The following FER variants were observed in gnomAD, a reference collection of about 807,000 sequenced individuals.
FER encodes tyrosine-protein kinase Fer.
Under a neutral mutation model 111.0 loss-of-function variants are expected in FER, and 63 were observed. That is an observed-to-expected ratio of 0.57 (90% CI 0.46 to 0.70). The LOEUF (loss-of-function observed/expected upper bound fraction) is 0.70. Ranked by LOEUF, FER falls within the 30% of genes least tolerant of loss-of-function variation. The pLI, the probability that FER is intolerant of heterozygous loss-of-function variation, is 0.00. For missense variants in FER, 914 were observed against 954.0 expected (o/e 0.96, Z 0.55); for synonymous variants, 327 against 313.9 (o/e 1.04, Z -0.44).
At chr5:109,088,739 T>C (rs1290389903) in intron 16 of FER, among the ~76,000 whole-genome samples, 1 of 152,122 alleles carries the variant, frequency 6.6e-6, no homozygotes, top group Non-Finnish European at 1.5e-5. Context: ...AAAGGGCTAA[T>C]TTGTTTATTT....
At chr5:108,860,824 TG>T (rs1763445996) in intron 5 of FER, among the ~76,000 whole-genome samples, 2 of 152,178 alleles carry the variant, frequency 1.3e-5, no homozygotes, top group South Asian at 4.1e-4. Context: ...TCCACATTGC[TG>T]GGGAGGCCTC....
chr5:109,052,853 C>T (rs185802368), intron 16 of FER, among the ~76,000 whole-genome samples: 1 of 152,234 alleles, frequency 6.6e-6, no homozygotes, highest in East Asian at 1.9e-4. Flanking sequence ...CTAAATTTTC[C>T]TAAAGGCTGT....
chr5:109,108,481 A>T (rs1165975319), intron 17 of FER, among the ~76,000 whole-genome samples: 2 of 152,114 alleles, frequency 1.3e-5, no homozygotes, highest in Non-Finnish European at 2.9e-5. Flanking sequence ...TATAGATCCT[A>T]TCTCTGTATT....
chr5:109,006,736 G>T (rs1256405652), intron 13 of FER, among the ~76,000 whole-genome samples: 1 of 151,998 alleles, frequency 6.6e-6, no homozygotes, highest in African/African-American at 2.4e-5. Context: ...GTAAAAAATT[G>T]TAATCTAAGT....
chr5:108,981,266 A>G (rs1277702410), intron 13 of FER, among the ~76,000 whole-genome samples: 2 of 152,054 alleles, frequency 1.3e-5, no homozygotes, highest in African/African-American at 4.8e-5. Flanking sequence ...GGGGTCATTG[A>G]TTTATATATC....
chr5:109,060,168 GA>G (rs1386042239), intron 16 of FER, among the ~76,000 whole-genome samples: 1 of 152,136 alleles, frequency 6.6e-6, no homozygotes, highest in African/African-American at 2.4e-5. Flanking sequence ...TGTAGATGGG[GA>G]TAGACAATAG....
At chr5:108,984,189 C>G (rs1762317106) in intron 13 of FER, among the ~76,000 whole-genome samples, 1 of 152,008 alleles carries the variant, frequency 6.6e-6, no homozygotes, top group Non-Finnish European at 1.5e-5. Context: ...AAAGTTTTCC[C>G]AGAATCCTGT....
At chr5:108,931,811 C>G (rs1214485798) in intron 10 of FER, among the ~76,000 whole-genome samples, 2 of 151,694 alleles carry the variant, frequency 1.3e-5, no homozygotes, top group African/African-American at 4.8e-5. Context: ...CCCTAGGCGA[C>G]AAGAATGAAA....
intron 5 of FER, among the ~76,000 whole-genome samples, chr5:108,844,988 GTGTGTGTGTATATATA>G (rs1761729761): frequency 3.1e-5 from 1 of 31,750 alleles, no homozygotes; most frequent in African/African-American, 1.7e-4. Context: ...TTGCTGGTGT[GTGTGTGTGTATATATA>G]TATATATATA....
intron 13 of FER, among the ~76,000 whole-genome samples, chr5:108,962,881 C>G (rs1287541313): frequency 6.6e-6 from 1 of 152,170 alleles, no homozygotes; most frequent in Non-Finnish European, 1.5e-5. Flanking sequence ...AGCCCACATT[C>G]TTAACCACTA....
At chr5:109,097,624 T>C (rs990677466) in intron 16 of FER, among the ~76,000 whole-genome samples, 4 of 151,944 alleles carry the variant, frequency 2.6e-5, no homozygotes, top group African/African-American at 9.7e-5. Flanking sequence ...AAAATAACTT[T>C]ACAGTGAACA....
At chr5:109,168,160 A>G (rs1756746756) in intron 17 of FER, among the ~76,000 whole-genome samples, 1 of 152,214 alleles carries the variant, frequency 6.6e-6, no homozygotes, top group African/African-American at 2.4e-5. Context: ...AATGAATTCT[A>G]GTAATGTCCC....
At chr5:109,141,104 G>C (rs923252602) in intron 17 of FER, among the ~76,000 whole-genome samples, 1 of 152,128 alleles carries the variant, frequency 6.6e-6, no homozygotes, top group African/African-American at 2.4e-5. Flanking sequence ...CCTTCAGAGG[G>C]CGTACAGGTG....
intron 17 of FER, among the ~76,000 whole-genome samples, chr5:109,125,156 T>C (rs1582145444): frequency 6.6e-6 from 1 of 152,104 alleles, no homozygotes; most frequent in Non-Finnish European, 1.5e-5. Context: ...CTCAAGATTC[T>C]AATACCCCAT....
chr5:109,105,133 A>G (rs539599358), intron 17 of FER, among the ~76,000 whole-genome samples: 1 of 152,218 alleles, frequency 6.6e-6, no homozygotes, highest in East Asian at 1.9e-4. Flanking sequence ...TTTCATTTAT[A>G]TATTCTAGAA....
intron 13 of FER, among the ~76,000 whole-genome samples, chr5:109,010,173 TTC>T (rs1561767146): frequency 6.7e-6 from 1 of 149,144 alleles, no homozygotes; most frequent in Non-Finnish European, 1.5e-5. Flanking sequence ...TTTTTTATCC[TTC>T]TTTTTTTTGA....
At chr5:108,801,902 CTG>C (rs908047346) in intron 3 of FER, among the ~76,000 whole-genome samples, 3 of 152,158 alleles carry the variant, frequency 2.0e-5, no homozygotes, top group African/African-American at 7.2e-5. Context: ...GCAAGGATAA[CTG>C]AGATGGCTAC....
At chr5:108,843,775 C>T (rs1035852964) in intron 5 of FER, among the ~76,000 whole-genome samples, 4 of 151,972 alleles carry the variant, frequency 2.6e-5, no homozygotes, top group Non-Finnish European at 5.9e-5. Flanking sequence ...AATCCACCCA[C>T]CTCAGCCTCC....
chr5:109,047,941 T>C (rs1772226634), intron 16 of FER, among the ~76,000 whole-genome samples: 1 of 152,194 alleles, frequency 6.6e-6, no homozygotes, highest in African/African-American at 2.4e-5. Flanking sequence ...AATAGTATGT[T>C]TTAAAGTTTT....
Sources: gnomAD v4.1 joint callset for allele counts (sites outside exome capture counted in the v4.1 genomes callset) on GRCh38, gnomAD v4.1.1 for gene constraint, MANE v1.5 for transcripts, NCBI Gene and HGNC (gene_info 2026-07-23, HGNC 2026-07-21) for gene names.